Variants in NKPD1 observed in about 807,000 individuals in gnomAD.
The protein encoded by NKPD1 is NTPase KAP family P-loop domain-containing protein 1.
Under a neutral mutation model 42.2 loss-of-function variants are expected in NKPD1, and 37 were observed. That is an observed-to-expected ratio of 0.88 (90% CI 0.67 to 1.15). The LOEUF (loss-of-function observed/expected upper bound fraction) is 1.15, where lower values mean the gene tolerates loss of function less well. Among genes scored for constraint, NKPD1 ranks in the 50% most tolerant of loss-of-function variants. NKPD1 has a pLI of 0.00. For missense variants in NKPD1, 1,113 were observed against 1,174.6 expected (o/e 0.95, Z 0.77); for synonymous variants, 552 against 536.5 (o/e 1.03, Z -0.40).
intron 2 of NKPD1, 35 bp downstream of exon 2, chr19:45,160,025 G>A: frequency 8.3e-7 from 1 of 1,204,990 alleles, no homozygotes; most frequent in South Asian, 1.3e-5. Context: ...ACAGGCCTCT[G>A]TCGGCCATCA....
At position 45,153,195 on chromosome 19, in the gene NKPD1, C is replaced by A; in HGVS notation, c.1242G>T (p.Leu414=). The change falls in exon 5 of 5, where the codon CTG becomes CTT. Residue 414 remains leucine, a synonymous_variant. Transcript: ENST00000686631. The part of the protein sequence containing the change: ...FVSQRKKIER[L]VSREKFGSQL... ...GGCTGCCGAACTTTTCACGCGACAC[C>A]AGCCGCTCGATCTTCTTGCGCTGGC... 1 of 1,588,308 alleles carries A rather than the reference C, an allele frequency of 6.3e-7. No homozygotes were observed. The highest frequency in any genetic ancestry group is 1.3e-5 in the African/African-American group (1 of 74,500).
At position 45,158,703 on chromosome 19, in the gene NKPD1, G is replaced by A. The variant is rs556781414; in HGVS notation, c.489C>T (p.Pro163=). 5.5e-5 allele frequency: 65 copies of A among 1,192,130 alleles called. No individual in the cohort carries two copies. The highest frequency in any genetic ancestry group is 2.8e-4 in the African/African-American group (17 of 61,448). 73.8% of individuals were successfully genotyped at this position (1,192,130 alleles called of 1,614,324 possible). Reference sequence around the variant, plus strand: ...TGAAGGAGCCACAGGCCGCTGGGGCGGGCAGGGGCCGGGCATCAGTGGGCT... The same window carrying A: ...TGAAGGAGCCACAGGCCGCTGGGGCAGGCAGGGGCCGGGCATCAGTGGGCT... ...PSEPTDARPL[P]APAACGSFTA... Residue 163 remains proline (P), a synonymous_variant, in exon 3 of 5, where the codon CCC becomes CCT. Coordinates refer to ENST00000686631, the MANE Select transcript of NKPD1 (RefSeq NM_198478.4). This position sits in a 1 kb window ranked among gnomAD's most constrained non-coding sequence, Gnocchi z 4.6.
At chr19:45,160,653 G>C (rs1261569983) in intron 1 of NKPD1, among the ~76,000 whole-genome samples, 2 of 152,032 alleles carry the variant, frequency 1.3e-5, no homozygotes, top group South Asian at 2.1e-4. Context: ...GTGAAAATCA[G>C]AGCTGGGTAC....
chr19:45,157,189 A>G (rs1968919192), intron 3 of NKPD1, among the ~76,000 whole-genome samples: 2 of 152,080 alleles, frequency 1.3e-5, no homozygotes, highest in Non-Finnish European at 2.9e-5. Flanking sequence ...CCCATAGCCC[A>G]TTCTCCTGGA....
rs187883757 is a variant in NKPD1 at position 45,150,507 on chromosome 19, C to G, written c.*1431G>C. ...TACAGGGATATATTGACCCCAACCA[C>G]ACATCTACAGAAACAGACTTAACGG... On this transcript the variant is annotated 3_prime_UTR_variant, in exon 5 of 5. Coordinates refer to ENST00000686631, the MANE Select transcript of NKPD1 (RefSeq NM_198478.4). 1 of 152,318 alleles carries G rather than the reference C, an allele frequency of 6.6e-6. No homozygotes were observed. Among genetic ancestry groups the G allele is most frequent in the East Asian group, 1.9e-4 (1 of 5,188 alleles). The allele number at this position is 152,318 out of a possible 1,614,324, so 9.4% of individuals were successfully genotyped here.
upstream of NKPD1, among the ~76,000 whole-genome samples, chr19:45,161,813 C>T (rs116003753): frequency 0.012 from 1,843 of 152,310 alleles, 40 homozygotes; most frequent in African/African-American, 0.042. Flanking sequence ...GCTGGCGTAA[C>T]GGGGTCAACA....
At chr19:45,161,225 TG>T (rs922074966), upstream of NKPD1, among the ~76,000 whole-genome samples, 12 of 152,082 alleles carry the variant, frequency 7.9e-5, no homozygotes, top group Non-Finnish European at 2.9e-5. Flanking sequence ...TCTGCTGGTG[TG>T]GGGGGGACAG....
intron 1 of NKPD1, among the ~76,000 whole-genome samples, 178 bp from the exon 2 acceptor site, chr19:45,160,399 G>C (rs984096106): frequency 6.6e-6 from 1 of 152,188 alleles, no homozygotes; most frequent in South Asian, 2.1e-4. Context: ...AGGAGGGAAC[G>C]GAGAACCGCT....
Position 45,155,817 on chromosome 19 carries a change from C to G in NKPD1, c.629G>C (p.Cys210Ser). Reference protein sequence around the residue: ...VTVGFYAPFGCRLHMMLDKIT... With the variant: ...VTVGFYAPFGSRLHMMLDKIT... ...CTTGTCCAGCATCATGTGCAGGCGG[C>G]AGCCGAAAGGGGCATAGAAACCCAC... Residue 210 changes from cysteine (C) to serine (S), a missense_variant, in exon 4 of 5, where the codon TGC becomes TCC. This residue lies in a region of NKPD1 where 42 missense variants were observed against 76.7 expected (regional missense o/e 0.55). Coordinates refer to ENST00000686631, the MANE Select transcript of NKPD1 (RefSeq NM_198478.4). 1.5e-6 allele frequency: 2 copies of G among 1,305,246 alleles called. No homozygotes were observed. The highest frequency in any genetic ancestry group is 2.0e-6 in the Non-Finnish European group (2 of 988,784). The allele number at this position is 1,305,246 out of a possible 1,614,324, so 80.9% of individuals were successfully genotyped here.
rs1333774513 is a variant in NKPD1, at chr19:45,152,184, G to A, written c.2253C>T (p.Arg751=). Residue 751 remains arginine (R), a synonymous_variant, in exon 5 of 5, where the codon CGC becomes CGT. Transcript: ENST00000686631. ...CGGCTCGGATGAGACCCATGCGCCG[G>A]CGGATGGAGTGGTCCAGGTTGACCG... The part of the protein sequence containing the change: ...RCTVNLDHSI[R]RRMGLIRAVS... 2 of 1,594,724 alleles carry A rather than the reference G, an allele frequency of 1.3e-6. No individual in the cohort carries two copies. Among genetic ancestry groups the A allele is most frequent in the African/African-American group, 1.3e-5 (1 of 74,680 alleles).
chr19:45,157,156 C>T (rs562870081), intron 3 of NKPD1, among the ~76,000 whole-genome samples: 34 of 152,334 alleles, frequency 2.2e-4, no homozygotes, highest in East Asian at 1.9e-4. Flanking sequence ...CCTGCTCCCT[C>T]GGCCACCTGC....
intron 3 of NKPD1, among the ~76,000 whole-genome samples, chr19:45,156,477 C>G (rs932104052): frequency 6.6e-6 from 1 of 152,192 alleles, no homozygotes; most frequent in African/African-American, 2.4e-5. Context: ...CCAGTCCCAG[C>G]CCCACCGCCT....
At chr19:45,156,471 T>C (rs940993777) in intron 3 of NKPD1, among the ~76,000 whole-genome samples, 1 of 152,052 alleles carries the variant, frequency 6.6e-6, no homozygotes, top group Admixed American at 6.6e-5. Context: ...GGAGCTCCAG[T>C]CCCAGCCCCA....
At chr19:45,162,427 C>T (rs1013077966), upstream of NKPD1, among the ~76,000 whole-genome samples, 11 of 152,182 alleles carry the variant, frequency 7.2e-5, no homozygotes, top group African/African-American at 2.4e-4. Flanking sequence ...GTGGGCAGCT[C>T]TGAGCCTGGG....
rs1414668825 is a variant in NKPD1, at chr19:45,159,045, A to T, written c.147T>A (p.Cys49Ter). The stretch of plus-strand genomic sequence containing the variant: ...GCCAGTGTGATTGGGGGGAAGGCCG[A>T]CAGGGCCCATGGGCTCGGAGGGCCG... ...DSAALRAHGPCRPSPQSHWQL... is the reference protein window; with the variant it reads ...DSAALRAHGP The change falls in exon 3 of 5, where the codon TGT (cysteine) becomes TGA (stop). Residue 49 changes from cysteine (C) to a stop codon, truncating the protein, a stop_gained. Transcript: ENST00000686631. LOFTEE classifies it high-confidence loss of function. 1.5e-6 allele frequency: 2 copies of T among 1,300,620 alleles called. No homozygotes were observed. The highest frequency in any genetic ancestry group is 3.0e-5 in the African/African-American group (2 of 65,678). 80.6% of individuals were successfully genotyped at this position (1,300,620 alleles called of 1,614,324 possible).
At chr19:45,159,129 G>A in intron 2 of NKPD1, 29 bp from the exon 3 acceptor site, 2 of 1,255,146 alleles carry the variant, frequency 1.6e-6, no homozygotes, top group Non-Finnish European at 2.0e-6. Context: ...GGGTGACTGG[G>A]CCTGTGTCCC....
chr19:45,152,986 T>TG lies in NKPD1; in HGVS notation c.1450dup (p.His484ProfsTer31). On this transcript the variant is annotated frameshift_variant, in exon 5 of 5. Coordinates refer to ENST00000686631, the MANE Select transcript of NKPD1 (RefSeq NM_198478.4). LOFTEE classifies it high-confidence loss of function. The stretch of plus-strand genomic sequence containing the variant: ...GACCAGGATGAAGATGAAGGGCGCG[T>TG]GGCTGTCGGACAGCAGCGTGTTGAT... The TG allele has an allele frequency of 6.3e-7, 1 of 1,585,454 alleles. No homozygotes were observed. Among genetic ancestry groups the TG allele is most frequent in the Non-Finnish European group, 8.6e-7 (1 of 1,165,070 alleles).
chr19:45,153,896 TG>T, intron 4 of NKPD1, 121 bp from the exon 5 acceptor site: 1 of 1,038,700 alleles, frequency 9.6e-7, no homozygotes, highest in Non-Finnish European at 1.3e-6. Context: ...GGCGAGGGGC[TG>T]GAAGCGAGCC....
chr19:45,157,719 CTTT>C (rs34991759), intron 3 of NKPD1, among the ~76,000 whole-genome samples: 7 of 83,318 alleles, frequency 8.4e-5, no homozygotes, highest in African/African-American at 2.5e-4. Context: ...CCCAGACATA[CTTT>C]TTTTTTTTTT....
Sources: gnomAD v4.1 joint callset for allele counts (sites outside exome capture counted in the v4.1 genomes callset) on GRCh38, gnomAD v4.1.1 for gene constraint, gnomAD v4.1.1 regional missense constraint, Gnocchi (gnomAD v3.1) non-coding constraint, MANE v1.5 for transcripts, NCBI Gene and HGNC (gene_info 2026-07-23, HGNC 2026-07-21) for gene names.